BRAP: variants seen among roughly 807,000 people sequenced by gnomAD.
The protein encoded by BRAP is BRCA1 associated protein, also known as BRCA1-associated protein.
A neutral mutation model predicts 73.4 loss-of-function variants in BRAP; 42 were observed. The ratio of observed to expected loss-of-function variants is 0.57; its 90% confidence interval spans 0.45 to 0.74. The LOEUF (loss-of-function observed/expected upper bound fraction) is 0.74, where lower values mean the gene tolerates loss of function less well. Ranked by LOEUF, BRAP falls within the 30% of genes least tolerant of loss-of-function variation. BRAP has a pLI of 0.00. For missense variants in BRAP, 593 were observed against 751.4 expected, an observed-to-expected ratio of 0.79 and a Z score of 2.46; for synonymous variants, 255 against 267.4, an observed-to-expected ratio of 0.95 and a Z score of 0.45.
chr12:111,653,503 G>A (rs1030624767), intron 10 of BRAP, among the ~76,000 whole-genome samples: 3 of 152,154 alleles, frequency 2.0e-5, no homozygotes, highest in Non-Finnish European at 2.9e-5. Flanking sequence ...TGAAAACTAA[G>A]AACCTTTGAA....
intron 11 of BRAP, among the ~76,000 whole-genome samples, chr12:111,647,786 T>G (rs1225821030): frequency 1.3e-5 from 2 of 151,908 alleles, no homozygotes; most frequent in Non-Finnish European, 2.9e-5. Flanking sequence ...TTCCAGCTAC[T>G]TGGGAGGCTG....
chr12:111,668,043 C>CA (rs1887025025), intron 5 of BRAP, among the ~76,000 whole-genome samples: 1 of 152,102 alleles, frequency 6.6e-6, no homozygotes, highest in African/African-American at 2.4e-5. Flanking sequence ...CCCATCTCTA[C>CA]TAAGAACACA....
Position 111,644,297 on chromosome 12 carries a change from G to C in BRAP, c.1681C>G (p.Gln561Glu), listed in dbSNP as rs1482013172. 6 of 1,614,100 alleles carry C rather than the reference G, an allele frequency of 3.7e-6. No individual in the cohort carries two copies. The highest frequency in any genetic ancestry group is 2.2e-5 in the South Asian group (2 of 91,084). The change falls in exon 12 of 12, where the codon CAG becomes GAG. Residue 561 changes from glutamine (Q) to glutamate (E), a missense_variant. Gln to Glu is a conservative substitution (Grantham distance 29). Transcript: ENST00000419234. Reference sequence around the variant, plus strand: ...GCCGAGGCCATGGCGATGTTGATCTGTCCCTCCTGGATTTCCTGCCGGGTC... The same window carrying C: ...GCCGAGGCCATGGCGATGTTGATCTCTCCCTCCTGGATTTCCTGCCGGGTC... ...AETRQEIQEG[Q>E]INIAMASASS...
rs960952119 is a variant in BRAP, at chr12:111,665,925, C to T, written c.748-138G>A. 1.1e-5 allele frequency: 13 copies of T among 1,202,036 alleles called. No homozygotes were observed. In the African/African-American group the frequency reaches 2.0e-4, roughly 18 times the overall value. 74.5% of individuals were successfully genotyped at this position (1,202,036 alleles called of 1,614,324 possible). ...TGGCGCAATCATGGCTCATTACAGC[C>T]TTGACCTCCCAGGCTCAAGAGATCT... On this transcript the variant is annotated intron_variant, in intron 5 of 11. Transcript: ENST00000419234. This position sits in a 1 kb window ranked among gnomAD's most constrained non-coding sequence, Gnocchi z 4.3.
At chr12:111,660,903 T>C (rs1013487865) in intron 6 of BRAP, among the ~76,000 whole-genome samples, 1 of 152,178 alleles carries the variant, frequency 6.6e-6, no homozygotes, top group African/African-American at 2.4e-5. Flanking sequence ...TCCGCTCTTA[T>C]GTCTAAAGCT....
At chr12:111,656,641 T>C (rs559043180) in intron 9 of BRAP, among the ~76,000 whole-genome samples, 1 of 152,318 alleles carries the variant, frequency 6.6e-6, no homozygotes, top group East Asian at 1.9e-4. Context: ...CCTATGCTAC[T>C]GAACCCTAAG....
rs1785420277 is a variant in BRAP at position 111,679,240 on chromosome 12, C to T, written c.544G>A (p.Ala182Thr). 1.9e-6 allele frequency: 3 copies of T among 1,610,500 alleles called. No individual in the cohort carries two copies. Among genetic ancestry groups the T allele is most frequent in the South Asian group, 1.1e-5 (1 of 90,364 alleles). ...TGTTCAATTACTTCGTTAAATGGGG[C>T]AACAAACTTCATAAGGTCATGACTG... is the stretch of plus-strand genomic sequence containing the variant. Reference protein sequence around the residue: ...MTSHDLMKFVAPFNEVIEQMK... With the variant: ...MTSHDLMKFVTPFNEVIEQMK... The change falls in exon 4 of 12, where the codon GCC becomes ACC. Residue 182 changes from alanine (A) to threonine (T), a missense_variant. Transcript: ENST00000419234.
At chr12:111,673,934 G>A (rs750934562) in intron 4 of BRAP, among the ~76,000 whole-genome samples, 9 of 152,132 alleles carry the variant, frequency 5.9e-5, no homozygotes, top group Non-Finnish European at 1.3e-4. Flanking sequence ...TTTAAACTCA[G>A]CCAATTTTTT....
chr12:111,654,601 C>G (rs1886449583), intron 10 of BRAP, among the ~76,000 whole-genome samples: 1 of 152,216 alleles, frequency 6.6e-6, no homozygotes, highest in African/African-American at 2.4e-5. Context: ...CAGGTGTGAG[C>G]CACTACACCT....
chr12:111,650,784 A>G (rs1048659183), intron 10 of BRAP, among the ~76,000 whole-genome samples: 2 of 152,102 alleles, frequency 1.3e-5, no homozygotes, highest in African/African-American at 4.8e-5. Flanking sequence ...AATTCACAAT[A>G]TTTTTTTCAT....
chr12:111,672,580 G>C, intron 5 of BRAP, 81 bp downstream of exon 5: 3 of 1,265,322 alleles, frequency 2.4e-6, no homozygotes, highest in Non-Finnish European at 3.3e-6. Flanking sequence ...GCCTATTCTG[G>C]GTATTTCACA....
intron 11 of BRAP, among the ~76,000 whole-genome samples, chr12:111,648,658 T>A (rs1886207869): frequency 6.7e-6 from 1 of 150,138 alleles, no homozygotes; most frequent in Non-Finnish European, 1.5e-5. Flanking sequence ...CTGGGCACGG[T>A]GGCTCACGCC....
chr12:111,681,613 C>A, intron 3 of BRAP, 24 bp downstream of exon 3: 1 of 1,544,972 alleles, frequency 6.5e-7, no homozygotes, highest in Non-Finnish European at 8.8e-7. Context: ...TTGACTAACC[C>A]CCAAGAAAAG....
intron 5 of BRAP, among the ~76,000 whole-genome samples, chr12:111,671,973 T>G (rs1958212969): frequency 6.6e-6 from 1 of 152,212 alleles, no homozygotes; most frequent in South Asian, 2.1e-4. Flanking sequence ...ATCCGTCACC[T>G]CAGCCTCCCA....
intron 6 of BRAP, among the ~76,000 whole-genome samples, chr12:111,662,966 AACT>A (rs1222945441): frequency 8.0e-4 from 121 of 151,550 alleles, no homozygotes; most frequent in African/African-American, 2.6e-3. Flanking sequence ...AAAAACAAAA[AACT>A]AAAAACAACA....
chr12:111,654,866 TACAA>T (rs569242336), intron 10 of BRAP, among the ~76,000 whole-genome samples: 25 of 152,256 alleles, frequency 1.6e-4, no homozygotes, highest in Non-Finnish European at 2.6e-4. Context: ...ATCACTGAAT[TACAA>T]ACACTGTCCC....
In BRAP at chr12:111,643,029, T is replaced by C. The variant is rs1274269092; in HGVS notation, c.*1170A>G. 1 of 152,204 alleles carries C rather than the reference T, an allele frequency of 6.6e-6. No homozygotes were observed. The highest frequency in any genetic ancestry group is 1.5e-5 in the Non-Finnish European group (1 of 68,028). 9.4% of individuals were successfully genotyped at this position (152,204 alleles called of 1,614,324 possible). Reference sequence around the variant, plus strand: ...ACAATACATCTTACTAACCTATCCCTCTACCTCTTCAAGAAACTAAATTCC... The same window carrying C: ...ACAATACATCTTACTAACCTATCCCCCTACCTCTTCAAGAAACTAAATTCC... On this transcript the variant is annotated 3_prime_UTR_variant, in exon 12 of 12. Transcript: ENST00000419234.
At chr12:111,675,205 G>C (rs1466663649) in intron 4 of BRAP, among the ~76,000 whole-genome samples, 2 of 151,840 alleles carry the variant, frequency 1.3e-5, no homozygotes, top group Admixed American at 1.3e-4. Context: ...AAGCTGCAGT[G>C]AGCCGAGATC....
At chr12:111,661,972 C>T (rs532067983) in intron 6 of BRAP, among the ~76,000 whole-genome samples, 5 of 152,268 alleles carry the variant, frequency 3.3e-5, no homozygotes, top group Non-Finnish European at 4.4e-5. Flanking sequence ...CCGCACCTGG[C>T]TAAACACAAA....
Sources: gnomAD v4.1 joint callset for allele counts (sites outside exome capture counted in the v4.1 genomes callset) on GRCh38, gnomAD v4.1.1 for gene constraint, Gnocchi (gnomAD v3.1) non-coding constraint, MANE v1.5 for transcripts, NCBI Gene and HGNC (gene_info 2026-07-23, HGNC 2026-07-21) for gene names.